Variants in TLK2 observed in about 807,000 individuals in gnomAD.
The protein encoded by TLK2 is tousled like kinase 2.
Under a neutral mutation model 117.3 loss-of-function variants are expected in TLK2, and 6 were observed. The observed-to-expected ratio is 0.05, with a 90% CI of 0.03 to 0.10. The LOEUF (loss-of-function observed/expected upper bound fraction) is 0.10. Among genes scored for constraint, TLK2 ranks in the 10% least tolerant of loss-of-function variants. The pLI, the probability that TLK2 is intolerant of heterozygous loss-of-function variation, is 1.00. For missense variants in TLK2, 299 were observed against 901.2 expected, an observed-to-expected ratio of 0.33 and a Z score of 8.56; for synonymous variants, 257 against 316.7, an observed-to-expected ratio of 0.81 and a Z score of 2.00.
intron 20 of TLK2, among the ~76,000 whole-genome samples, chr17:62,607,434 C>G (rs2083393279): frequency 6.6e-6 from 1 of 151,638 alleles, no homozygotes. Flanking sequence ...GAGGCTGAGG[C>G]AGGAGAATGG....
intron 5 of TLK2, 86 bp downstream of exon 5, chr17:62,523,263 T>C (rs1175797105): frequency 3.3e-6 from 5 of 1,508,556 alleles, no homozygotes; most frequent in African/African-American, 1.4e-5. Context: ...CCTAAATCCT[T>C]GTGTTCATTT....
intron 2 of TLK2, among the ~76,000 whole-genome samples, chr17:62,489,533 G>A (rs1311259218): frequency 2.6e-5 from 4 of 152,088 alleles, no homozygotes; most frequent in South Asian, 4.2e-4. Context: ...AGCTCTTTTA[G>A]GTTTATAGAA....
At chr17:62,573,098 C>T (rs919786379) in intron 11 of TLK2, 117 bp from the exon 12 acceptor site, 31 of 1,169,934 alleles carry the variant, frequency 2.6e-5, no homozygotes, top group Non-Finnish European at 3.5e-5. Context: ...CTCTACTTGA[C>T]TTAAAGGGGC....
chr17:62,502,029 A>ATTTTTTTTTTTTTT (rs371212708), intron 2 of TLK2, among the ~76,000 whole-genome samples: 4 of 137,462 alleles, frequency 2.9e-5, no homozygotes, highest in African/African-American at 8.2e-5. Context: ...AAAAATACCA[A>ATTTTTTTTTTTTTT]TTTTTTTTTT....
chr17:62,527,846 G>A (rs529008381), intron 6 of TLK2, among the ~76,000 whole-genome samples: 288 of 151,996 alleles, frequency 1.9e-3, no homozygotes, highest in Non-Finnish European at 3.2e-3. Flanking sequence ...AGTTTCAAGC[G>A]ATTCTCCTGC....
At chr17:62,609,255 T>C (rs906873739) in intron 21 of TLK2, among the ~76,000 whole-genome samples, 2 of 152,164 alleles carry the variant, frequency 1.3e-5, no homozygotes, top group African/African-American at 4.8e-5. Flanking sequence ...GCTATTTTTT[T>C]GTATTTTTTG....
At chr17:62,577,296 C>G (rs1282566187) in intron 13 of TLK2, among the ~76,000 whole-genome samples, 1 of 152,120 alleles carries the variant, frequency 6.6e-6, no homozygotes, top group Non-Finnish European at 1.5e-5. Context: ...ATTCCAGCAA[C>G]CCAATGACAG....
At chr17:62,548,431 A>G (rs1220799767) in intron 7 of TLK2, among the ~76,000 whole-genome samples, 3 of 151,196 alleles carry the variant, frequency 2.0e-5, no homozygotes, top group Non-Finnish European at 4.4e-5. Flanking sequence ...ACAGGCACGC[A>G]CCACCACACC....
At chr17:62,601,906 G>C in intron 18 of TLK2, 136 bp from the exon 19 acceptor site, 1 of 719,612 alleles carries the variant, frequency 1.4e-6, no homozygotes. Flanking sequence ...AGTCCAGATT[G>C]CTTGATTCCC....
chr17:62,471,888 CTTTTTTTTT>C (rs869092720), intron 1 of TLK2, among the ~76,000 whole-genome samples: 31 of 37,778 alleles, frequency 8.2e-4, no homozygotes, highest in African/African-American at 1.2e-3. Context: ...GTAGTATAGT[CTTTTTTTTT>C]TTTTTTTTTT....
chr17:62,505,407 ATTTTTTTTTTTTT>A (rs544900638), intron 2 of TLK2, among the ~76,000 whole-genome samples: 1 of 53,756 alleles, frequency 1.9e-5, no homozygotes. Flanking sequence ...CCATACCCAG[ATTTTTTTTTTTTT>A]TTTTTTTTTT....
Position 62,587,415 on chromosome 17 carries a change from TTTTG to T in TLK2, c.1460+1209_1460+1212del, listed in dbSNP as rs368712571. Reference sequence around the variant, plus strand: ...AAGGCAGTCTTGGTTTTTTTTGGTGTTTTGTTTGTTTGTTTGTTTGTTTTATAAA... The same window carrying T: ...AAGGCAGTCTTGGTTTTTTTTGGTGTTTTGTTTGTTTGTTTGTTTTATAAA... On this transcript the variant is annotated intron_variant, in intron 16 of 21. Coordinates refer to ENST00000346027, the MANE Select transcript of TLK2 (RefSeq NM_006852.6). Among the ~76,000 whole-genome samples, 539 of 152,130 alleles carry T rather than the reference TTTTG, an allele frequency of 3.5e-3. 6 individuals are homozygous for T. The highest frequency in any genetic ancestry group is 0.012 in the African/African-American group (516 of 41,500).
intron 21 of TLK2, among the ~76,000 whole-genome samples, chr17:62,611,660 A>T (rs1362889928): frequency 1.3e-5 from 2 of 152,238 alleles, no homozygotes; most frequent in Non-Finnish European, 2.9e-5. Context: ...TAATTTATTT[A>T]AAATAGTTAT....
At chr17:62,575,783 A>T (rs1405188436) in intron 12 of TLK2, among the ~76,000 whole-genome samples, 1 of 151,898 alleles carries the variant, frequency 6.6e-6, no homozygotes, top group East Asian at 1.9e-4. Flanking sequence ...TATAGCCTCA[A>T]CCTTCTGGGC....
intron 2 of TLK2, among the ~76,000 whole-genome samples, chr17:62,493,254 T>G (rs1428759083): frequency 6.6e-6 from 1 of 152,242 alleles, no homozygotes; most frequent in African/African-American, 2.4e-5. Flanking sequence ...TTGTTTCACT[T>G]AGCATAGTAT....
chr17:62,517,378 A>G (rs184475459), intron 2 of TLK2, among the ~76,000 whole-genome samples: 1 of 151,918 alleles, frequency 6.6e-6, no homozygotes, highest in Non-Finnish European at 1.5e-5. Flanking sequence ...TAGCTTTGTA[A>G]TTTTTTATTT....
intron 21 of TLK2, 35 bp from the exon 22 acceptor site, chr17:62,612,357 A>C: frequency 6.2e-7 from 1 of 1,600,880 alleles, no homozygotes. Flanking sequence ...TGCCAAGACT[A>C]TCTGCCTCTG....
chr17:62,595,933 G>C (rs1285031868), intron 16 of TLK2, among the ~76,000 whole-genome samples: 1 of 152,024 alleles, frequency 6.6e-6, no homozygotes, highest in Non-Finnish European at 1.5e-5. Context: ...TTAGAGGAGG[G>C]GGGAAAATAA....
chr17:62,532,968 G>C (rs1301368660), intron 6 of TLK2, among the ~76,000 whole-genome samples: 1 of 151,940 alleles, frequency 6.6e-6, no homozygotes, highest in Non-Finnish European at 1.5e-5. Context: ...TTTTATCATT[G>C]TAACCTTTGG....
Sources: gnomAD v4.1 joint callset for allele counts (sites outside exome capture counted in the v4.1 genomes callset) on GRCh38, gnomAD v4.1.1 for gene constraint, MANE v1.5 for transcripts, NCBI Gene and HGNC (gene_info 2026-07-23, HGNC 2026-07-21) for gene names.